The following BCAS3 variants were observed in gnomAD, a reference collection of about 807,000 sequenced individuals.
BCAS3 encodes the protein BCAS3 microtubule associated cell migration factor.
Under a neutral mutation model 116.1 loss-of-function variants are expected in BCAS3, and 53 were observed. That is an observed-to-expected ratio of 0.46 (90% CI 0.37 to 0.57). The LOEUF (loss-of-function observed/expected upper bound fraction) is 0.57, where lower values mean the gene tolerates loss of function less well. BCAS3 is among the 20% of genes least tolerant of loss of function. The pLI, the probability that BCAS3 is intolerant of heterozygous loss-of-function variation, is 0.00. For missense variants in BCAS3, 917 were observed against 1,165.4 expected, an observed-to-expected ratio of 0.79 and a Z score of 3.10; for synonymous variants, 391 against 408.2, an observed-to-expected ratio of 0.96 and a Z score of 0.51.
intron 22 of BCAS3, among the ~76,000 whole-genome samples, chr17:61,277,376 G>A (rs1024888218): frequency 2.0e-5 from 3 of 151,802 alleles, no homozygotes; most frequent in Admixed American, 6.6e-5. Context: ...AAATGTAAGA[G>A]GTGAAGCTAT....
At chr17:60,910,503 A>G in intron 11 of BCAS3, 29 bp from the exon 12 acceptor site, 1 of 1,529,690 alleles carries the variant, frequency 6.5e-7, no homozygotes, top group Admixed American at 2.1e-5. Context: ...ACTGATGTGA[A>G]GTCATACATT....
intron 22 of BCAS3, among the ~76,000 whole-genome samples, chr17:61,351,828 A>G (rs7214302): frequency 0.24 from 36,849 of 152,092 alleles, 5,174 homozygotes; most frequent in East Asian, 0.64. Context: ...CAAGGGCAGG[A>G]GTGGAAGGAG....
Position 61,032,724 on chromosome 17 carries a change from G to C in BCAS3, c.1638-1942G>C, listed in dbSNP as rs770784229. Among the ~76,000 whole-genome samples the C allele has an allele frequency of 1.3e-4, 20 of 152,152 alleles. No homozygotes were observed. The highest frequency in any genetic ancestry group is 5.9e-5 in the Non-Finnish European group (4 of 68,018). Reference sequence around the variant, plus strand: ...GTATGAAGAGGTGAAACAGTTTATAGAGCCAGATTCAGCTTCCCACAGAAA... The same window carrying C: ...GTATGAAGAGGTGAAACAGTTTATACAGCCAGATTCAGCTTCCCACAGAAA... On this transcript the variant is annotated intron_variant, in intron 16 of 23. Coordinates refer to ENST00000407086, the MANE Select transcript of BCAS3 (RefSeq NM_017679.5). The surrounding 1 kb of genome is among the most constrained non-coding windows in gnomAD (Gnocchi z 4.6).
chr17:60,823,011 G>C (rs1332791983), intron 7 of BCAS3, among the ~76,000 whole-genome samples: 3 of 152,088 alleles, frequency 2.0e-5, no homozygotes, highest in Non-Finnish European at 4.4e-5. Flanking sequence ...AATAGCAGAA[G>C]AACAACCCAT....
At chr17:61,386,789 G>GTTTTTTTTTTTTTTTTT (rs1236991526) in intron 23 of BCAS3, among the ~76,000 whole-genome samples, 1 of 120,962 alleles carries the variant, frequency 8.3e-6, no homozygotes, top group East Asian at 2.8e-4. Flanking sequence ...TTTTGTTTTT[G>GTTTTTTTTTTTTTTTTT]TTTTTTGTTT....
At chr17:60,769,303 T>G (rs1598583976) in intron 6 of BCAS3, among the ~76,000 whole-genome samples, 1 of 152,184 alleles carries the variant, frequency 6.6e-6, no homozygotes, top group African/African-American at 2.4e-5. Flanking sequence ...TTTGCTGCAG[T>G]CCTGCCACTG....
chr17:61,348,621 C>T lies in BCAS3; in HGVS notation c.2426-19706C>T, dbSNP rs2057644280. On this transcript the variant is annotated intron_variant, in intron 22 of 23. Coordinates refer to ENST00000407086, the MANE Select transcript of BCAS3 (RefSeq NM_017679.5). This position sits in a 1 kb window ranked among gnomAD's most constrained non-coding sequence, Gnocchi z 4.5. ...AAAACTGAGGAAGCTAGGGAGTAGT[C>T]AGCAATTTCCCAATGAAGTCAACTT... is the stretch of plus-strand genomic sequence containing the variant. Among the ~76,000 whole-genome samples the T allele has an allele frequency of 6.6e-6, 1 of 152,078 alleles. No homozygotes were observed. Among genetic ancestry groups the T allele is most frequent in the Non-Finnish European group, 1.5e-5 (1 of 68,022 alleles).
intron 7 of BCAS3, among the ~76,000 whole-genome samples, chr17:60,865,197 T>TAA (rs1057044692): frequency 6.9e-6 from 1 of 145,906 alleles, no homozygotes; most frequent in South Asian, 2.2e-4. Flanking sequence ...TTCAATTTGT[T>TAA]AAAAAAAAAA....
In BCAS3 at chr17:60,961,941, A is replaced by G. The variant is rs920975741; in HGVS notation, c.1221+14589A>G. ...CCACCTAGGAGTGAGATCATGCAAC[A>G]TTTCACTGTGCCTGGTTTGTTTCTC... is the stretch of plus-strand genomic sequence containing the variant. On this transcript the variant is annotated intron_variant, in intron 14 of 23. Transcript: ENST00000407086. The surrounding 1 kb of genome is among the most constrained non-coding windows in gnomAD (Gnocchi z 4.8). Among the ~76,000 whole-genome samples the G allele has an allele frequency of 1.3e-5, 2 of 151,974 alleles. No homozygotes were observed. Among genetic ancestry groups the G allele is most frequent in the Non-Finnish European group, 2.9e-5 (2 of 67,982 alleles).
At chr17:60,682,438 T>C (rs1332527603) in intron 2 of BCAS3, among the ~76,000 whole-genome samples, 1 of 152,256 alleles carries the variant, frequency 6.6e-6, no homozygotes, top group African/African-American at 2.4e-5. Context: ...TATTGCTTTT[T>C]TAATAGGATT....
chr17:60,966,075 A>G (rs1218560470), intron 14 of BCAS3, among the ~76,000 whole-genome samples: 4 of 152,168 alleles, frequency 2.6e-5, no homozygotes, highest in Non-Finnish European at 5.9e-5. Flanking sequence ...TTATCATTGT[A>G]TAGTGTCCTT....
intron 22 of BCAS3, among the ~76,000 whole-genome samples, chr17:61,154,800 T>C (rs550593328): frequency 6.6e-6 from 1 of 152,250 alleles, no homozygotes; most frequent in South Asian, 2.1e-4. Flanking sequence ...CATCAGAATA[T>C]TTATTTAATG....
intron 22 of BCAS3, among the ~76,000 whole-genome samples, chr17:61,269,704 G>A (rs1231939036): frequency 1.3e-5 from 2 of 151,978 alleles, no homozygotes; most frequent in African/African-American, 2.4e-5. Context: ...TCTGATGATA[G>A]TAATGTTCTG....
intron 4 of BCAS3, among the ~76,000 whole-genome samples, chr17:60,691,309 A>G (rs2034791441): frequency 6.6e-6 from 1 of 151,996 alleles, no homozygotes; most frequent in Non-Finnish European, 1.5e-5. Context: ...TTGAGGAACC[A>G]CCATGGTTTT....
At chr17:61,236,522 G>A (rs1354870866) in intron 22 of BCAS3, among the ~76,000 whole-genome samples, 4 of 152,142 alleles carry the variant, frequency 2.6e-5, no homozygotes, top group Middle Eastern at 3.4e-3. Context: ...GGGTTTCACT[G>A]TGTTAGCCAG....
Position 61,186,424 on chromosome 17 carries a change from A to G in BCAS3, c.2425+101860A>G, listed in dbSNP as rs1479772265. Among the ~76,000 whole-genome samples the G allele has an allele frequency of 6.6e-6, 1 of 152,128 alleles. No individual in the cohort carries two copies. The highest frequency in any genetic ancestry group is 1.5e-5 in the Non-Finnish European group (1 of 68,018). ...TTTTATTACAATTATCTATCCTTTT[A>G]TCTTAGCTCTGTTTTCAGTGGTATA... is the stretch of plus-strand genomic sequence containing the variant. On this transcript the variant is annotated intron_variant, in intron 22 of 23. Transcript: ENST00000407086. This position sits in a 1 kb window ranked among gnomAD's most constrained non-coding sequence, Gnocchi z 4.9.
intron 22 of BCAS3, among the ~76,000 whole-genome samples, chr17:61,360,164 C>T (rs747916611): frequency 1.4e-4 from 21 of 151,934 alleles, no homozygotes; most frequent in Admixed American, 3.9e-4. Context: ...CCACCACACC[C>T]GGATAATTTT....
chr17:61,301,597 A>G (rs919481907), intron 22 of BCAS3, among the ~76,000 whole-genome samples: 7 of 152,184 alleles, frequency 4.6e-5, no homozygotes, highest in Non-Finnish European at 1.0e-4. Flanking sequence ...AGATTGCACC[A>G]TTGCAGCCGG....
intron 10 of BCAS3, among the ~76,000 whole-genome samples, chr17:60,894,363 G>C (rs964943656): frequency 2.0e-5 from 3 of 151,972 alleles, no homozygotes; most frequent in African/African-American, 7.3e-5. Flanking sequence ...CTCTTTGCTA[G>C]ATCATTATTG....
Sources: gnomAD v4.1 joint callset for allele counts (sites outside exome capture counted in the v4.1 genomes callset) on GRCh38, gnomAD v4.1.1 for gene constraint, Gnocchi (gnomAD v3.1) non-coding constraint, MANE v1.5 for transcripts, NCBI Gene and HGNC (gene_info 2026-07-23, HGNC 2026-07-21) for gene names.